Variants in TCHP observed in about 807,000 individuals in gnomAD.
TCHP encodes the protein trichoplein keratin filament binding.
In TCHP, 81 loss-of-function variants were observed where a neutral mutation model predicts 88.7. The observed-to-expected ratio is 0.91, with a 90% CI of 0.76 to 1.10. The LOEUF (loss-of-function observed/expected upper bound fraction) is 1.10. Among genes scored for constraint, TCHP ranks in the 50% least tolerant of loss-of-function variants. The pLI is 0.00. For synonymous variants in TCHP, 232 were observed against 232.5 expected (o/e 1.00, Z 0.02); for missense variants, 641 against 632.1 (o/e 1.01, Z -0.15).
the TCHP span, among the ~76,000 whole-genome samples, chr12:109,891,711 CT>C: frequency 0.057 from 8,345 of 146,400 alleles, 363 homozygotes; most frequent in African/African-American, 0.12. Context: ...CCAATATTTG[CT>C]TTTTTTTTTG....
At chr12:109,891,430 C>G in the TCHP span, among the ~76,000 whole-genome samples, 1 of 146,516 alleles carries the variant, frequency 6.8e-6, no homozygotes. Context: ...CTCACTCTGT[C>G]GCTCAGGCTG....
chr12:109,893,104 G>A, the TCHP span, among the ~76,000 whole-genome samples: 1 of 152,162 alleles, frequency 6.6e-6, no homozygotes, highest in Non-Finnish European at 1.5e-5. Context: ...ATCAGGCCGG[G>A]CGCAGTGGCT....
the TCHP span, among the ~76,000 whole-genome samples, chr12:109,885,094 G>A: frequency 6.6e-6 from 1 of 152,036 alleles, no homozygotes; most frequent in East Asian, 1.9e-4. Context: ...TCAGCCTCCC[G>A]GGTAGCTGGG....
At position 109,914,495 on chromosome 12, in the gene TCHP, G is replaced by A; in HGVS notation, c.1188G>A (p.Arg396=). 1 of 1,614,148 alleles carries A rather than the reference G, an allele frequency of 6.2e-7. No homozygotes were observed. Among genetic ancestry groups the A allele is most frequent in the South Asian group, 1.1e-5 (1 of 91,070 alleles). ...AAGAGAAGATTGAGCAGAACCGACG[G>A]GCACAAGAGGAATCCCTGAAACACA... The part of the protein sequence containing the change: ...QIQEKIEQNR[R]AQEESLKHRE... The change falls in exon 11 of 13, where the codon CGG becomes CGA. Residue 396 remains arginine (R), a synonymous_variant. Transcript: ENST00000405876.
chr12:109,891,056 TTCTTC>T, the TCHP span, among the ~76,000 whole-genome samples: 1 of 152,230 alleles, frequency 6.6e-6, no homozygotes, highest in African/African-American at 2.4e-5. Context: ...ATTTGTTCCT[TTCTTC>T]TCTTATTAAC....
chr12:109,884,805 C>T, the TCHP span, among the ~76,000 whole-genome samples: 1 of 152,112 alleles, frequency 6.6e-6, no homozygotes. Context: ...GAAACAATGC[C>T]CAATCACCCT....
At chr12:109,901,892 A>G (rs1869819220) in intron 1 of TCHP, among the ~76,000 whole-genome samples, 1 of 152,182 alleles carries the variant, frequency 6.6e-6, no homozygotes, top group South Asian at 2.1e-4. Flanking sequence ...TTTCGTCTCA[A>G]ACTGTGGCGT....
chr12:109,882,719 G>T, the TCHP span, among the ~76,000 whole-genome samples: 2 of 145,162 alleles, frequency 1.4e-5, no homozygotes, highest in African/African-American at 5.2e-5. Flanking sequence ...CAGTGGTGGT[G>T]CAATCTCGGC....
Position 109,914,471 on chromosome 12 carries a change from A to G in TCHP, c.1164A>G (p.Gln388=). ...TGACAGGGAGACAACAGCAAATACA[A>G]GAGAAGATTGAGCAGAACCGACGGG... The part of the protein sequence containing the change: ...EVLTGRQQQI[Q]EKIEQNRRAQ... The change falls in exon 11 of 13, where the codon CAA becomes CAG. Residue 388 remains glutamine (Q), a synonymous_variant. Coordinates refer to ENST00000405876, the MANE Select transcript of TCHP (RefSeq NM_001143852.2). 1 of 1,613,902 alleles carries G rather than the reference A, an allele frequency of 6.2e-7. No individual in the cohort carries two copies. The highest frequency in any genetic ancestry group is 8.5e-7 in the Non-Finnish European group (1 of 1,179,828).
At position 109,903,905 on chromosome 12, in the gene TCHP, T is replaced by C; in HGVS notation, c.189-32T>C. On this transcript the variant is annotated intron_variant, in intron 2 of 12. Transcript: ENST00000405876. The surrounding 1 kb of genome is among the most constrained non-coding windows in gnomAD (Gnocchi z 4.6). The stretch of plus-strand genomic sequence containing the variant: ...GAGCACGTTCCCTGTGGCTGTAGCA[T>C]GATTGATTCAGGCAGGCCCCCTCTC... 1 of 1,552,450 alleles carries C rather than the reference T, an allele frequency of 6.4e-7. No homozygotes were observed. The highest frequency in any genetic ancestry group is 8.8e-7 in the Non-Finnish European group (1 of 1,139,752).
rs11068857 is a variant in TCHP, at chr12:109,905,237, T to C, written c.456+444T>C. Among the ~76,000 whole-genome samples, 27,621 of 152,012 alleles carry C rather than the reference T, an allele frequency of 0.18. 4,501 individuals are homozygous for C. The highest frequency in any genetic ancestry group is 0.44 in the African/African-American group (18,394 of 41,414). On this transcript the variant is annotated intron_variant, in intron 4 of 12. Coordinates refer to ENST00000405876, the MANE Select transcript of TCHP (RefSeq NM_001143852.2). This position sits in a 1 kb window ranked among gnomAD's most constrained non-coding sequence, Gnocchi z 4.0. ...AGAGGTGAGGAAAGGATGTTCTAGG[T>C]TGATGTGACTGTGAGAACCAGGCTT...
the TCHP span, among the ~76,000 whole-genome samples, chr12:109,880,890 C>G: frequency 6.6e-6 from 1 of 152,198 alleles, no homozygotes; most frequent in African/African-American, 2.4e-5. This position sits in a 1 kb window ranked among gnomAD's most constrained non-coding sequence, Gnocchi z 5.1. Flanking sequence ...CAAAATTGTA[C>G]CCCAGTAACC....
At chr12:109,897,570 T>C (rs1456741539), upstream of TCHP, among the ~76,000 whole-genome samples, 1 of 151,840 alleles carries the variant, frequency 6.6e-6, no homozygotes, top group Non-Finnish European at 1.5e-5. Flanking sequence ...TTCTTTCTTT[T>C]TTTTTTTTGA....
At chr12:109,915,328 T>C (rs1870747629) in intron 11 of TCHP, 75 bp from the exon 12 acceptor site, 6 of 1,607,474 alleles carry the variant, frequency 3.7e-6, no homozygotes. Flanking sequence ...GCCGCAGGCT[T>C]ACCTTCCTCA....
chr12:109,908,795 CTGG>C, intron 7 of TCHP, 73 bp from the exon 8 acceptor site: 1 of 1,570,756 alleles, frequency 6.4e-7, no homozygotes, highest in South Asian at 1.1e-5. Context: ...AGGAGACAGC[CTGG>C]TCAGCAGTTA....
chr12:109,915,374 G>A, intron 11 of TCHP, 29 bp from the exon 12 acceptor site: 2 of 1,613,986 alleles, frequency 1.2e-6, no homozygotes, highest in African/African-American at 2.7e-5. Context: ...GCCTTGTCTT[G>A]GGGTGGTGAC....
intron 11 of TCHP, 98 bp downstream of exon 11, chr12:109,914,725 T>TGCGCACGTTTGA: frequency 9.8e-7 from 1 of 1,023,678 alleles, no homozygotes; most frequent in South Asian, 1.6e-5. Context: ...TGGCAGGGCT[T>TGCGCACGTTTGA]GCGCACGTTT....
rs1768435054 is a variant in TCHP at position 109,912,989 on chromosome 12, A to AGGGCG, written c.1054_1055insCGGGG. 5 of 1,613,794 alleles carry AGGGCG rather than the reference A, an allele frequency of 3.1e-6. No homozygotes were observed. The highest frequency in any genetic ancestry group is 4.2e-6 in the Non-Finnish European group (5 of 1,179,918). The stretch of plus-strand genomic sequence containing the variant: ...GCTGTCATCCCTTTTGTGTTTGCCC[A>AGGGCG]GGGAGGAGGCCAAGGAGATGTGGGA... On this transcript the variant is annotated splice_acceptor_variant, in intron 9 of 12. Coordinates refer to ENST00000405876, the MANE Select transcript of TCHP (RefSeq NM_001143852.2). LOFTEE classifies it high-confidence loss of function.
intron 8 of TCHP, among the ~76,000 whole-genome samples, chr12:109,910,347 T>G (rs1870416228): frequency 6.6e-6 from 1 of 152,250 alleles, no homozygotes; most frequent in Middle Eastern, 3.4e-3. Flanking sequence ...TATGGGGTCT[T>G]GCTCTGTTGT....
Sources: allele counts gnomAD v4.1 joint callset (sites outside exome capture counted in the v4.1 genomes callset), GRCh38; gene constraint gnomAD v4.1.1; non-coding constraint Gnocchi (gnomAD v3.1); transcripts MANE v1.5; gene names NCBI Gene and HGNC (gene_info 2026-07-23, HGNC 2026-07-21).